SCRN1: variants seen among roughly 807,000 people sequenced by gnomAD.
SCRN1 encodes the protein secernin-1.
A neutral mutation model predicts 43.3 loss-of-function variants in SCRN1; 19 were observed. The ratio of observed to expected loss-of-function variants is 0.44; its 90% CI spans 0.31 to 0.64. The LOEUF is 0.64. Among genes scored for constraint, SCRN1 ranks in the 30% least tolerant of loss-of-function variants. The probability of loss-of-function intolerance (pLI) is 0.09; values close to 1 mark genes in which losing one functional copy is unlikely to be tolerated. For missense variants in SCRN1, 447 were observed against 524.1 expected, an observed-to-expected ratio of 0.85 and a Z score of 1.44; for synonymous variants, 183 against 188.9, an observed-to-expected ratio of 0.97 and a Z score of 0.26.
At chr7:29,925,528 T>C (rs1786916063) in intron 7 of SCRN1, among the ~76,000 whole-genome samples, 1 of 152,192 alleles carries the variant, frequency 6.6e-6, no homozygotes, top group African/African-American at 2.4e-5. Context: ...CTTCTTCCTC[T>C]CTTCAGCAAA....
chr7:29,971,978 T>G (rs1420748399), intron 1 of SCRN1, among the ~76,000 whole-genome samples: 1 of 152,134 alleles, frequency 6.6e-6, no homozygotes, highest in Non-Finnish European at 1.5e-5. Context: ...ACCCCTTCCC[T>G]CTGGGAAGAA....
intron 3 of SCRN1, among the ~76,000 whole-genome samples, chr7:29,944,659 T>A (rs1787671018): frequency 1.7e-5 from 2 of 114,380 alleles, no homozygotes; most frequent in South Asian, 2.8e-4. Flanking sequence ...TGAGACCCTG[T>A]CTCAAAAAAA....
At chr7:29,944,468 C>T (rs909624313) in intron 3 of SCRN1, among the ~76,000 whole-genome samples, 5 of 151,968 alleles carry the variant, frequency 3.3e-5, no homozygotes, top group African/African-American at 1.2e-4. Context: ...CAAGACCAGC[C>T]TGGGCAACAT....
intron 6 of SCRN1, among the ~76,000 whole-genome samples, chr7:29,930,420 G>T (rs1223298378): frequency 6.6e-6 from 1 of 152,122 alleles, no homozygotes; most frequent in Non-Finnish European, 1.5e-5. Flanking sequence ...AATAGATAAG[G>T]AGATACTCTG....
In SCRN1 at chr7:29,922,984, T is replaced by A. The variant is rs1242077468; in HGVS notation, c.*973A>T. 1 of 152,244 alleles carries A rather than the reference T, an allele frequency of 6.6e-6. No individual in the cohort carries two copies. Among genetic ancestry groups the A allele is most frequent in the Non-Finnish European group, 1.5e-5 (1 of 68,042 alleles). 9.4% of individuals were successfully genotyped at this position (152,244 alleles called of 1,614,324 possible). ...AGTGACTGCTAGGATTCCAGATATT[T>A]AACTAGAATCTAAATAGTCAAGAGT... On this transcript the variant is annotated 3_prime_UTR_variant, in exon 8 of 8. Transcript: ENST00000242059.
chr7:29,961,672 G>A (rs1788317949), intron 2 of SCRN1, among the ~76,000 whole-genome samples: 1 of 151,650 alleles, frequency 6.6e-6, no homozygotes, highest in Non-Finnish European at 1.5e-5. Context: ...CTCACCTCCC[G>A]GACGGGGCGG....
Position 29,923,419 on chromosome 7 carries a change from C to G in SCRN1, c.*538G>C, listed in dbSNP as rs1381899524. 6.6e-6 allele frequency: 1 copy of G among 152,410 alleles called. No individual in the cohort carries two copies. The highest frequency in any genetic ancestry group is 2.1e-4 in the South Asian group (1 of 4,832). 9.4% of individuals were successfully genotyped at this position (152,410 alleles called of 1,614,324 possible). The stretch of plus-strand genomic sequence containing the variant: ...TCTTCCTTCCAATTGGTTCTGCCCC[C>G]CAGAAGACACCTGTAGAGACACTGT... On this transcript the variant is annotated 3_prime_UTR_variant, in exon 8 of 8. Coordinates refer to ENST00000242059, the MANE Select transcript of SCRN1 (RefSeq NM_014766.5).
intron 2 of SCRN1, among the ~76,000 whole-genome samples, chr7:29,959,371 AT>A (rs1788234433): frequency 6.6e-6 from 1 of 152,106 alleles, no homozygotes; most frequent in African/African-American, 2.4e-5. Context: ...AGAAGCATTA[AT>A]AACTATCACT....
At chr7:29,983,048 A>T (rs1789039808) in intron 1 of SCRN1, among the ~76,000 whole-genome samples, 2 of 151,868 alleles carry the variant, frequency 1.3e-5, no homozygotes, top group African/African-American at 4.8e-5. Flanking sequence ...CATGTTGGCC[A>T]GGCTGGTCTC....
intron 1 of SCRN1, among the ~76,000 whole-genome samples, chr7:29,985,968 C>T (rs909934729): frequency 6.6e-6 from 1 of 152,256 alleles, no homozygotes; most frequent in Non-Finnish European, 1.5e-5. Flanking sequence ...GGCGAGGTGG[C>T]TCATGCCTGT....
intron 2 of SCRN1, 116 bp from the exon 3 acceptor site, chr7:29,955,476 G>A (rs1788106408): frequency 1.0e-6 from 1 of 977,228 alleles, no homozygotes; most frequent in East Asian, 2.5e-5. Context: ...AAAAATAAAA[G>A]GCCTTGGGAA....
chr7:29,970,684 G>T (rs376215512), intron 1 of SCRN1, among the ~76,000 whole-genome samples: 9 of 152,106 alleles, frequency 5.9e-5, no homozygotes, highest in Admixed American at 6.5e-5. Context: ...ATAAACAAGG[G>T]TTCTTTTCTT....
chr7:29,923,971 T>TA lies in SCRN1; in HGVS notation c.1230dup (p.Lys411Ter). ...GAACGCTTACTTCACTTAAAGAACT[T>TA]AATCTCCGTGTCAACACAGTCATAG... On this transcript the variant is annotated frameshift_variant, in exon 8 of 8. Transcript: ENST00000242059. LOFTEE classifies it high-confidence loss of function. 6.2e-7 allele frequency: 1 copy of TA among 1,612,442 alleles called. No individual in the cohort carries two copies. The highest frequency in any genetic ancestry group is 8.5e-7 in the Non-Finnish European group (1 of 1,179,456).
chr7:29,944,198 A>C lies in SCRN1; in HGVS notation c.342-19T>G. 1.2e-6 allele frequency: 2 copies of C among 1,611,386 alleles called. No individual in the cohort carries two copies. Among genetic ancestry groups the C allele is most frequent in the African/African-American group, 2.7e-5 (2 of 75,028 alleles). On this transcript the variant is annotated intron_variant, in intron 3 of 7. Coordinates refer to ENST00000242059, the MANE Select transcript of SCRN1 (RefSeq NM_014766.5). Reference sequence around the variant, plus strand: ...ACCAAGCCTGCAGGAAGGAAACCAGAACCATACTTCAGTCATTTCATACCA... The same window carrying C: ...ACCAAGCCTGCAGGAAGGAAACCAGCACCATACTTCAGTCATTTCATACCA...
At chr7:29,945,403 C>T (rs990832926) in intron 3 of SCRN1, among the ~76,000 whole-genome samples, 1 of 152,198 alleles carries the variant, frequency 6.6e-6, no homozygotes, top group Non-Finnish European at 1.5e-5. Context: ...TCAGGGGCTC[C>T]CGCATTTGCT....
intron 2 of SCRN1, among the ~76,000 whole-genome samples, chr7:29,956,925 T>C (rs1393319523): frequency 6.6e-6 from 1 of 152,192 alleles, no homozygotes; most frequent in Non-Finnish European, 1.5e-5. Context: ...CTAAATGGAA[T>C]TGACGTTTAC....
chr7:29,989,744 G>C lies in SCRN1; in HGVS notation c.-104C>G, dbSNP rs1213424866. Reference sequence around the variant, plus strand: ...GGGTCCGGATTACTGCGGCGACCTCGGGGGCTGCAGCTGCAGTGGCGGAGG... The same window carrying C: ...GGGTCCGGATTACTGCGGCGACCTCCGGGGCTGCAGCTGCAGTGGCGGAGG... On this transcript the variant is annotated 5_prime_UTR_variant, in exon 1 of 8. Coordinates refer to ENST00000242059, the MANE Select transcript of SCRN1 (RefSeq NM_014766.5). The C allele has an allele frequency of 2.0e-6, 2 of 986,060 alleles. No homozygotes were observed. The highest frequency in any genetic ancestry group is 6.2e-5 in the Admixed American group (1 of 16,260). The allele number at this position is 986,060 out of a possible 1,614,324, so 61.1% of individuals were successfully genotyped here.
chr7:29,937,066 A>C (rs1053730474), intron 5 of SCRN1, among the ~76,000 whole-genome samples: 7 of 152,010 alleles, frequency 4.6e-5, no homozygotes, highest in Non-Finnish European at 8.8e-5. Flanking sequence ...ACAAACAAAA[A>C]AGAGTAGCTA....
intron 4 of SCRN1, among the ~76,000 whole-genome samples, chr7:29,941,418 C>A (rs1787549475): frequency 6.6e-6 from 1 of 152,170 alleles, no homozygotes; most frequent in South Asian, 2.1e-4. Context: ...AAATACAAAT[C>A]AAATACTTCA....
Sources: gnomAD v4.1 joint callset for allele counts (sites outside exome capture counted in the v4.1 genomes callset) on GRCh38, gnomAD v4.1.1 for gene constraint, MANE v1.5 for transcripts, NCBI Gene and HGNC (gene_info 2026-07-23, HGNC 2026-07-21) for gene names.